GPBP1L1: variants seen among roughly 807,000 people sequenced by gnomAD.
GPBP1L1 encodes GC-rich promoter binding protein 1 like 1.
In GPBP1L1, 23 loss-of-function variants were observed where a neutral mutation model predicts 52.5. The ratio of observed to expected loss-of-function variants is 0.44; its 90% CI spans 0.32 to 0.62. The LOEUF (loss-of-function observed/expected upper bound fraction) is 0.62, where lower values mean the gene tolerates loss of function less well. GPBP1L1 is among the 20% of genes least tolerant of loss of function. The pLI is 0.06. For synonymous variants in GPBP1L1, 243 were observed against 203.1 expected, an observed-to-expected ratio of 1.20 and a Z score of -1.67; for missense variants, 596 against 579.3, an observed-to-expected ratio of 1.03 and a Z score of -0.30.
Position 45,629,687 on chromosome 1 carries a change from C to G in GPBP1L1, c.1170-9G>C. On this transcript the variant is annotated splice_polypyrimidine_tract_variant and intron_variant, in intron 11 of 12. Transcript: ENST00000355105. ...CCATAGCTTTCAATAACCTGGTGGA[C>G]GCAGAAGGACAGGTAAAGAGAATAC... 1 of 1,535,700 alleles carries G rather than the reference C, an allele frequency of 6.5e-7. No individual in the cohort carries two copies. Among genetic ancestry groups the G allele is most frequent in the Non-Finnish European group, 9.0e-7 (1 of 1,108,720 alleles).
intron 1 of GPBP1L1, among the ~76,000 whole-genome samples, 172 bp downstream of exon 1, chr1:45,686,240 A>G (rs1266786769): frequency 1.3e-5 from 2 of 152,146 alleles, no homozygotes; most frequent in Non-Finnish European, 2.9e-5. Context: ...CATCCGAACC[A>G]CTTGACCCGT....
intron 4 of GPBP1L1, chr1:45,655,631 TAC>T: frequency 5.1e-6 from 1 of 197,806 alleles, no homozygotes; most frequent in East Asian, 1.4e-4. Context: ...TCCAAAACTT[TAC>T]ACTTAAAAAT....
In GPBP1L1 at chr1:45,659,201, A is replaced by C. The variant is rs575669018; in HGVS notation, c.-55-59T>G. The C allele has an allele frequency of 3.1e-6, 3 of 972,992 alleles. No homozygotes were observed. The East Asian group carries it at 7.3e-5, about 24-fold the overall frequency. The allele number at this position is 972,992 out of a possible 1,614,324, so 60.3% of individuals were successfully genotyped here. The stretch of plus-strand genomic sequence containing the variant: ...ACAAGAATCTGATACCAATGTGTAA[A>C]GGAATCTGTAATTATTCTAAGATTC... On this transcript the variant is annotated intron_variant, in intron 3 of 12. Coordinates refer to ENST00000355105, the MANE Select transcript of GPBP1L1 (RefSeq NM_021639.5).
At chr1:45,684,258 C>CAAAAAAAAAA (rs60624036) in intron 2 of GPBP1L1, among the ~76,000 whole-genome samples, 35 of 88,436 alleles carry the variant, frequency 4.0e-4, no homozygotes, top group South Asian at 1.2e-3. Context: ...AACTCCGTCT[C>CAAAAAAAAAA]AAAAAAAAAA....
At chr1:45,669,624 CT>C (rs34574128) in intron 2 of GPBP1L1, among the ~76,000 whole-genome samples, 84,018 of 151,162 alleles carry the variant, frequency 0.56, 23,651 homozygotes, top group African/African-American at 0.65. Flanking sequence ...ATGACCCCCC[CT>C]CCAACCCCCT....
chr1:45,655,344 C>A lies in GPBP1L1; in HGVS notation c.61-25G>T, dbSNP rs1644872473. 3.1e-6 allele frequency: 5 copies of A among 1,612,590 alleles called. No homozygotes were observed. The highest frequency in any genetic ancestry group is 3.4e-6 in the Non-Finnish European group (4 of 1,179,008). On this transcript the variant is annotated intron_variant, in intron 4 of 12. Coordinates refer to ENST00000355105, the MANE Select transcript of GPBP1L1 (RefSeq NM_021639.5). ...ACTAAGATGATGAAGTATGGAGAGG[C>A]AAATGGATAAATAGCTATTAGTCCT... is the stretch of plus-strand genomic sequence containing the variant.
At chr1:45,640,042 A>C (rs1158265092) in intron 8 of GPBP1L1, among the ~76,000 whole-genome samples, 168 bp downstream of exon 8, 1 of 120,326 alleles carries the variant, frequency 8.3e-6, no homozygotes, top group Non-Finnish European at 1.9e-5. Context: ...TCTCAAAAAA[A>C]TAAAGAAAAA....
intron 4 of GPBP1L1, 117 bp from the exon 5 acceptor site, chr1:45,655,436 A>C: frequency 2.5e-6 from 3 of 1,181,870 alleles, no homozygotes; most frequent in Non-Finnish European, 2.4e-6. Context: ...ATAGAAACTC[A>C]TATTGTAAGC....
At chr1:45,657,898 A>G (rs1392821484) in intron 4 of GPBP1L1, among the ~76,000 whole-genome samples, 1 of 152,180 alleles carries the variant, frequency 6.6e-6, no homozygotes, top group Non-Finnish European at 1.5e-5. Context: ...TTTAGAGCAA[A>G]AGATCATGGG....
At chr1:45,646,430 T>G (rs1421814929) in intron 6 of GPBP1L1, among the ~76,000 whole-genome samples, 1 of 152,244 alleles carries the variant, frequency 6.6e-6, no homozygotes, top group Admixed American at 6.5e-5. Context: ...GGCCAAAGGA[T>G]ATCTTTCTTT....
Position 45,628,380 on chromosome 1 carries a change from C to G in GPBP1L1, c.1301G>C (p.Gly434Ala). The G allele has an allele frequency of 6.2e-7, 1 of 1,614,010 alleles. No homozygotes were observed. Among genetic ancestry groups the G allele is most frequent in the Non-Finnish European group, 8.5e-7 (1 of 1,180,030 alleles). ...QLRRNGFGKN[G>A]FLQSRSSSLF... ...ACTGGAACTGCGGCTCTGCAAGAAG[C>G]CATTCTTTCCAAAGCCATTTCTTCT... is the stretch of plus-strand genomic sequence containing the variant. Residue 434 changes from glycine to alanine, a missense_variant, in exon 13 of 13, where the codon GGC (glycine) becomes GCC (alanine). Transcript: ENST00000355105.
At chr1:45,639,833 G>A (rs1389622208) in intron 8 of GPBP1L1, among the ~76,000 whole-genome samples, 9 of 151,936 alleles carry the variant, frequency 5.9e-5, no homozygotes, top group African/African-American at 1.4e-4. Flanking sequence ...AGCTGAGATC[G>A]TGCCACTGCA....
rs564119080 is a variant in GPBP1L1, at chr1:45,680,936, A to T, written c.-1098+4640T>A. ...AAAAATTCAGTTTTGAGAAATTTTC[A>T]GATTGAATATGCTGAGACAACTATT... On this transcript the variant is annotated intron_variant, in intron 2 of 12. Transcript: ENST00000355105. 1.4e-3 allele frequency among the ~76,000 whole-genome samples: 218 copies of T among 152,342 alleles called. 5 individuals are homozygous for T. The South Asian group carries it at 0.042, about 29-fold the overall frequency.
intron 6 of GPBP1L1, chr1:45,651,901 C>CT (rs1416581124): frequency 1.1e-5 from 2 of 185,448 alleles, no homozygotes; most frequent in Non-Finnish European, 2.2e-5. Flanking sequence ...AGTTCCAATC[C>CT]TTTAAGTTTA....
chr1:45,679,756 TA>T (rs1645189812), intron 2 of GPBP1L1, among the ~76,000 whole-genome samples: 3 of 152,054 alleles, frequency 2.0e-5, no homozygotes, highest in Admixed American at 2.0e-4. Flanking sequence ...AAAAATTTCC[TA>T]AAAAGTAATT....
intron 2 of GPBP1L1, among the ~76,000 whole-genome samples, chr1:45,674,444 A>G (rs1310566487): frequency 2.0e-5 from 3 of 152,230 alleles, no homozygotes; most frequent in Admixed American, 2.0e-4. Flanking sequence ...AGCAGCAATG[A>G]GTGACAACCA....
At position 45,633,923 on chromosome 1, in the gene GPBP1L1, C is replaced by T. The variant is rs1336016717; in HGVS notation, c.885+173G>A. The T allele has an allele frequency of 5.5e-6, 4 of 720,752 alleles. No individual in the cohort carries two copies. In the South Asian group the frequency reaches 8.8e-5, roughly 16 times the overall value. 44.6% of individuals were successfully genotyped at this position (720,752 alleles called of 1,614,324 possible). ...CTTGGTCCACCACAGAGCATCTATCCCATTTAGCCACTGCCCACTTTTGGA... is the reference window on the plus strand; with the variant it reads ...CTTGGTCCACCACAGAGCATCTATCTCATTTAGCCACTGCCCACTTTTGGA... On this transcript the variant is annotated intron_variant, in intron 9 of 12. Transcript: ENST00000355105.
intron 8 of GPBP1L1, 158 bp from the exon 9 acceptor site, chr1:45,634,394 G>A: frequency 1.6e-6 from 1 of 637,832 alleles, no homozygotes; most frequent in Non-Finnish European, 2.5e-6. Context: ...CTCTTTCGGA[G>A]GTTAGGCACT....
At chr1:45,683,587 T>C (rs1251997159) in intron 2 of GPBP1L1, among the ~76,000 whole-genome samples, 2 of 150,100 alleles carry the variant, frequency 1.3e-5, no homozygotes, top group Non-Finnish European at 3.0e-5. Flanking sequence ...AAACAGTATC[T>C]ACTTAGACCT....
Sources: allele counts gnomAD v4.1 joint callset (sites outside exome capture counted in the v4.1 genomes callset), GRCh38; gene constraint gnomAD v4.1.1; transcripts MANE v1.5; gene names NCBI Gene and HGNC (gene_info 2026-07-23, HGNC 2026-07-21).